RBFOX1: variants seen among roughly 807,000 people sequenced by gnomAD.
RBFOX1 encodes RNA binding protein fox-1 homolog 1.
RBFOX1 carries 8 observed loss-of-function variants against 57.7 expected under a neutral mutation model. The observed-to-expected ratio is 0.14, with a 90% confidence interval of 0.08 to 0.25. The LOEUF (loss-of-function observed/expected upper bound fraction) is 0.25, where lower values mean the gene tolerates loss of function less well. Among genes scored for constraint, RBFOX1 ranks in the 10% least tolerant of loss-of-function variants. The probability of loss-of-function intolerance (pLI) is 1.00; values close to 1 mark genes in which losing one functional copy is unlikely to be tolerated. For synonymous variants in RBFOX1, 326 were observed against 222.4 expected (o/e 1.47, Z -4.15); for missense variants, 611 against 548.5 (o/e 1.11, Z -1.14).
intron 3 of RBFOX1, among the ~76,000 whole-genome samples, chr16:6,871,128 G>T (rs1019166872): frequency 3.9e-5 from 6 of 152,176 alleles, no homozygotes; most frequent in Non-Finnish European, 5.9e-5. Context: ...TTTGATGAAG[G>T]TTCCTTTCTT....
chr16:5,664,393 C>G (rs2049762769), intron 3 of RBFOX1, among the ~76,000 whole-genome samples: 1 of 152,044 alleles, frequency 6.6e-6, no homozygotes, highest in South Asian at 2.1e-4. Flanking sequence ...ACTAAAAATA[C>G]AAAAATTAGC....
chr16:5,314,811 T>C, intron 1 of RBFOX1, among the ~76,000 whole-genome samples: 1 of 141,458 alleles, frequency 7.1e-6, no homozygotes, highest in East Asian at 2.1e-4. Flanking sequence ...TCATTTCTTT[T>C]AAAACCAGAA....
chr16:7,583,455 G>A lies in RBFOX1; in HGVS notation c.414+3535G>A, dbSNP rs1507006. 1.3e-3 allele frequency among the ~76,000 whole-genome samples: 197 copies of A among 152,226 alleles called. 3 individuals carry two copies. Among genetic ancestry groups the A allele is most frequent in the African/African-American group, 4.5e-3 (187 of 41,544 alleles). On this transcript the variant is annotated intron_variant, in intron 6 of 15. Transcript: ENST00000550418. ...TATGGATTTCTAACAAATTAATTGC[G>A]ATATATTGCACCCTAAATAGAATGT...
chr16:6,034,707 A>G (rs903855245), intron 1 of RBFOX1, among the ~76,000 whole-genome samples: 1 of 152,124 alleles, frequency 6.6e-6, no homozygotes, highest in African/African-American at 2.4e-5. Flanking sequence ...AGTTCTTGTC[A>G]TTGCTGTTTT....
At chr16:5,598,904 C>A in exon 3 of RBFOX1, 1 of 1,520,984 alleles carries the variant, frequency 6.6e-7, no homozygotes, top group Admixed American at 2.0e-5. Flanking sequence ...TTTGCCAGGA[C>A]TACAAGTCTG....
intron 4 of RBFOX1, among the ~76,000 whole-genome samples, chr16:7,196,018 A>G (rs2086612389): frequency 6.6e-6 from 1 of 152,086 alleles, no homozygotes; most frequent in Admixed American, 6.5e-5. Flanking sequence ...CGTCTGAAAA[A>G]AAAAATGTGA....
intron 4 of RBFOX1, among the ~76,000 whole-genome samples, chr16:7,375,031 G>T (rs751010447): frequency 1.3e-5 from 2 of 152,196 alleles, no homozygotes; most frequent in Admixed American, 6.5e-5. Context: ...TGCCCATCTG[G>T]CTTTGTTAGA....
intron 3 of RBFOX1, among the ~76,000 whole-genome samples, chr16:6,712,897 T>G (rs866998290): frequency 0.036 from 4,561 of 125,192 alleles, 250 homozygotes; most frequent in African/African-American, 0.11. Context: ...TTTTTTTTTT[T>G]TTTTTTTTTT....
chr16:6,173,987 C>T (rs72774563), intron 1 of RBFOX1, among the ~76,000 whole-genome samples: 5,565 of 152,106 alleles, frequency 0.037, 145 homozygotes, highest in Admixed American at 0.078. Context: ...ATCTCGAAAC[C>T]TTGGAGAACT....
intron 3 of RBFOX1, among the ~76,000 whole-genome samples, chr16:5,743,311 C>T (rs2052847813): frequency 2.0e-5 from 3 of 152,132 alleles, no homozygotes; most frequent in Admixed American, 6.5e-5. Context: ...GCTGATGCTG[C>T]TAATTGTGGG....
chr16:6,686,431 C>T (rs1163482034), intron 3 of RBFOX1, among the ~76,000 whole-genome samples: 1 of 152,158 alleles, frequency 6.6e-6, no homozygotes, highest in Non-Finnish European at 1.5e-5. Context: ...ATGCGCAGGC[C>T]TCCGTTGTAC....
chr16:7,313,582 T>G (rs1453196464), intron 4 of RBFOX1, among the ~76,000 whole-genome samples: 1 of 151,900 alleles, frequency 6.6e-6, no homozygotes, highest in Non-Finnish European at 1.5e-5. Context: ...TAAGCCAGCC[T>G]TCTTCCACAA....
chr16:6,972,511 C>T (rs2085806200), intron 3 of RBFOX1, among the ~76,000 whole-genome samples: 1 of 152,130 alleles, frequency 6.6e-6, no homozygotes, highest in Non-Finnish European at 1.5e-5. Context: ...GGGTTGCCGC[C>T]ACTTGTTGGT....
rs180928863 is a variant in RBFOX1, at chr16:6,524,010, C to T, written c.-63-130593C>T. Reference sequence around the variant, plus strand: ...TTTATCCTTTGTGGTATAAATAAATCCAATTACACTCTTTATTTTAAAATG... The same window carrying T: ...TTTATCCTTTGTGGTATAAATAAATTCAATTACACTCTTTATTTTAAAATG... On this transcript the variant is annotated intron_variant, in intron 2 of 15. Coordinates refer to ENST00000550418, the MANE Select transcript of RBFOX1 (RefSeq NM_018723.4). 6.3e-4 allele frequency among the ~76,000 whole-genome samples: 96 copies of T among 152,218 alleles called. 1 individual carries two copies. Among genetic ancestry groups the T allele is most frequent in the African/African-American group, 2.2e-3 (92 of 41,534 alleles).
intron 3 of RBFOX1, among the ~76,000 whole-genome samples, chr16:6,977,370 A>G (rs887254148): frequency 2.6e-5 from 4 of 152,076 alleles, no homozygotes; most frequent in African/African-American, 7.2e-5. Context: ...TGTTCTCTAG[A>G]TACCGGGATA....
chr16:7,493,573 G>C (rs1020139196), intron 4 of RBFOX1, among the ~76,000 whole-genome samples: 2 of 144,148 alleles, frequency 1.4e-5, no homozygotes, highest in South Asian at 2.3e-4. Context: ...GAACACAGAG[G>C]TGTAGAGTCA....
chr16:6,135,368 T>C (rs2096658893), intron 1 of RBFOX1, among the ~76,000 whole-genome samples: 1 of 152,186 alleles, frequency 6.6e-6, no homozygotes, highest in Non-Finnish European at 1.5e-5. Flanking sequence ...GATGACAAGG[T>C]ACCATAGAAT....
intron 4 of RBFOX1, among the ~76,000 whole-genome samples, chr16:5,880,758 A>G (rs1467157210): frequency 2.0e-5 from 3 of 152,308 alleles, no homozygotes; most frequent in Non-Finnish European, 4.4e-5. Context: ...GCCTCCTTGC[A>G]GAATAAAGAT....
At chr16:7,120,894 A>G (rs1357654941) in intron 4 of RBFOX1, among the ~76,000 whole-genome samples, 1 of 128,016 alleles carries the variant, frequency 7.8e-6, no homozygotes, top group Non-Finnish European at 1.7e-5. Context: ...CATATAATAC[A>G]GAAAAATAAT....
Sources: gnomAD v4.1 joint callset for allele counts (sites outside exome capture counted in the v4.1 genomes callset) on GRCh38, gnomAD v4.1.1 for gene constraint, MANE v1.5 for transcripts, NCBI Gene and HGNC (gene_info 2026-07-23, HGNC 2026-07-21) for gene names.